The following C12orf42 variants were observed in gnomAD, a reference collection of about 807,000 sequenced individuals.
The protein encoded by C12orf42 is uncharacterized protein C12orf42.
A neutral mutation model predicts 21.6 loss-of-function variants in C12orf42; 25 were observed. That is an observed-to-expected ratio of 1.16 (90% CI 0.84 to 1.62). C12orf42 has a LOEUF of 1.62. Among genes scored for constraint, C12orf42 ranks in the 40% most tolerant of loss-of-function variants. The probability of loss-of-function intolerance (pLI) is 0.00; values close to 1 mark genes in which losing one functional copy is unlikely to be tolerated. For missense variants in C12orf42, 483 were observed against 459.3 expected, an observed-to-expected ratio of 1.05 and a Z score of -0.47; for synonymous variants, 174 against 175.0, an observed-to-expected ratio of 0.99 and a Z score of 0.05.
At chr12:103,401,270 T>A (rs1310461009) in intron 3 of C12orf42, among the ~76,000 whole-genome samples, 1 of 152,142 alleles carries the variant, frequency 6.6e-6, no homozygotes, top group Non-Finnish European at 1.5e-5. Context: ...TAAGATAAAA[T>A]TATTGCCCTA....
At chr12:103,093,466 G>A in the C12orf42 span, among the ~76,000 whole-genome samples, 1 of 152,174 alleles carries the variant, frequency 6.6e-6, no homozygotes, top group South Asian at 2.1e-4. Flanking sequence ...AGAGAACTCA[G>A]TGTAAACATT....
At chr12:103,538,487 T>A in the C12orf42 span, among the ~76,000 whole-genome samples, 3 of 152,132 alleles carry the variant, frequency 2.0e-5, no homozygotes, top group African/African-American at 7.2e-5. Context: ...CCATTTAGAG[T>A]TCACCAATGA....
chr12:103,269,808 T>C (rs2035356347), exon 6 of C12orf42: 1 of 152,434 alleles, frequency 6.6e-6, no homozygotes, highest in African/African-American at 2.4e-5. Context: ...GAGACTCACC[T>C]GAGGAGCCAG....
chr12:103,282,021 A>G (rs1443210338), intron 4 of C12orf42, among the ~76,000 whole-genome samples: 3 of 152,218 alleles, frequency 2.0e-5, no homozygotes, highest in Non-Finnish European at 4.4e-5. Context: ...CCATGCCTCA[A>G]TTATCTCCGT....
chr12:103,128,633 C>A, the C12orf42 span, among the ~76,000 whole-genome samples: 1 of 152,098 alleles, frequency 6.6e-6, no homozygotes, highest in African/African-American at 2.4e-5. Flanking sequence ...CAGTACCTTG[C>A]ATGGTTGTTG....
At position 103,361,272 on chromosome 12, in the gene C12orf42, A is replaced by G. The variant is rs941373250; in HGVS notation, c.259+7615T>C. 3.3e-5 allele frequency among the ~76,000 whole-genome samples: 5 copies of G among 152,152 alleles called. No homozygotes were observed. In the East Asian group the frequency reaches 9.7e-4, roughly 29 times the overall value. On this transcript the variant is annotated intron_variant, in intron 4 of 5. Coordinates refer to ENST00000548883, the MANE Select transcript of C12orf42 (RefSeq NM_198521.5). ...CACACACCCTCACTGAGGAACCTCAAGGTCTAGATTAAGGGAAAAGGATTT... is the reference window on the plus strand; with the variant it reads ...CACACACCCTCACTGAGGAACCTCAGGGTCTAGATTAAGGGAAAAGGATTT...
At chr12:103,528,585 T>G in the C12orf42 span, among the ~76,000 whole-genome samples, 2 of 152,118 alleles carry the variant, frequency 1.3e-5, no homozygotes, top group Non-Finnish European at 2.9e-5. Flanking sequence ...CAGCAACCCC[T>G]CCTCTCTCTT....
chr12:103,059,838 G>C, the C12orf42 span, among the ~76,000 whole-genome samples: 3 of 152,024 alleles, frequency 2.0e-5, no homozygotes, highest in Admixed American at 2.0e-4. Context: ...TCTCAAAATA[G>C]TAAGAACTAT....
chr12:103,206,984 C>T, the C12orf42 span, among the ~76,000 whole-genome samples: 1 of 152,196 alleles, frequency 6.6e-6, no homozygotes, highest in Non-Finnish European at 1.5e-5. Context: ...CCAACCAGTT[C>T]TGTTTCCCTC....
intron 2 of C12orf42, chr12:103,456,130 A>C (rs2374076): frequency 0.87 from 131,894 of 152,010 alleles, 57,386 homozygotes; most frequent in African/African-American, 0.94. Flanking sequence ...AGCTAAGGAA[A>C]CCTGAAAACC....
chr12:103,214,529 T>A, the C12orf42 span, among the ~76,000 whole-genome samples: 1 of 152,106 alleles, frequency 6.6e-6, no homozygotes, highest in South Asian at 2.1e-4. Flanking sequence ...GCAAGTGGCA[T>A]CCTAATTCAA....
intron 4 of C12orf42, among the ~76,000 whole-genome samples, chr12:103,326,255 T>C (rs985447667): frequency 6.6e-6 from 1 of 152,146 alleles, no homozygotes; most frequent in African/African-American, 2.4e-5. Flanking sequence ...CTTGAAAGAA[T>C]TGAAAGAAGC....
intron 10 of C12orf42, among the ~76,000 whole-genome samples, chr12:103,247,865 A>G (rs1049179050): frequency 3.3e-5 from 5 of 152,064 alleles, no homozygotes; most frequent in African/African-American, 1.2e-4. Flanking sequence ...TAGCTATTAA[A>G]TGCTCAGCAG....
At chr12:103,264,023 C>G (rs986906687), downstream of C12orf42, among the ~76,000 whole-genome samples, 10 of 152,110 alleles carry the variant, frequency 6.6e-5, no homozygotes, top group African/African-American at 2.4e-4. Flanking sequence ...TGTTTTTTAC[C>G]ATGACTTACA....
the C12orf42 span, among the ~76,000 whole-genome samples, chr12:103,056,857 G>A: frequency 6.6e-6 from 1 of 151,990 alleles, no homozygotes; most frequent in Middle Eastern, 3.2e-3. Context: ...TTTTCTGTGA[G>A]TTTCTATTTT....
chr12:103,200,725 A>G, the C12orf42 span, among the ~76,000 whole-genome samples: 3 of 152,244 alleles, frequency 2.0e-5, no homozygotes, highest in Non-Finnish European at 2.9e-5. Context: ...TTGTTTTTCA[A>G]TAACTTCTCT....
At chr12:103,480,596 C>T (rs777691181) in intron 1 of C12orf42, among the ~76,000 whole-genome samples, 3 of 151,486 alleles carry the variant, frequency 2.0e-5, no homozygotes, top group Non-Finnish European at 4.4e-5. Context: ...ACTTTCCCTG[C>T]CTCCAATGTT....
the C12orf42 span, among the ~76,000 whole-genome samples, chr12:103,083,558 T>C: frequency 6.6e-6 from 1 of 152,196 alleles, no homozygotes; most frequent in Non-Finnish European, 1.5e-5. Flanking sequence ...CTCAAGCTAT[T>C]GCTATCAGTT....
chr12:103,415,665 A>G (rs2049255839), intron 2 of C12orf42, among the ~76,000 whole-genome samples: 1 of 152,192 alleles, frequency 6.6e-6, no homozygotes, highest in South Asian at 2.1e-4. Flanking sequence ...GTTCTGCAAA[A>G]TGCCATGACC....
Sources: gnomAD v4.1 joint callset for allele counts (sites outside exome capture counted in the v4.1 genomes callset) on GRCh38, gnomAD v4.1.1 for gene constraint, MANE v1.5 for transcripts, NCBI Gene and HGNC (gene_info 2026-07-23, HGNC 2026-07-21) for gene names.